Variants in STAU1 observed in about 807,000 individuals in gnomAD.
STAU1 encodes the protein staufen double-stranded RNA binding protein 1, also known as double-stranded RNA-binding protein Staufen homolog 1.
In STAU1, 13 loss-of-function variants were observed where a neutral mutation model predicts 62.9. The ratio of observed to expected loss-of-function variants is 0.21; its 90% confidence interval spans 0.13 to 0.33. The LOEUF (loss-of-function observed/expected upper bound fraction) is 0.33, where lower values mean the gene tolerates loss of function less well. STAU1 is among the 10% of genes least tolerant of loss of function. STAU1 has a pLI of 1.00. For missense variants in STAU1, 571 were observed against 712.1 expected (o/e 0.80, Z 2.25); for synonymous variants, 269 against 265.1 (o/e 1.01, Z -0.14).
At chr20:49,134,370 G>A in intron 6 of STAU1, 1 of 451,938 alleles carries the variant, frequency 2.2e-6, no homozygotes, top group South Asian at 2.2e-5. Flanking sequence ...GGTGGAGGTT[G>A]CAGTGAGCCG....
chr20:49,183,291 G>C (rs1043714674), intron 1 of STAU1, among the ~76,000 whole-genome samples: 1 of 152,206 alleles, frequency 6.6e-6, no homozygotes, highest in African/African-American at 2.4e-5. Context: ...TCTTATTTGA[G>C]AGGGGAGGAA....
chr20:49,187,778 C>A (rs1397722908), intron 1 of STAU1, among the ~76,000 whole-genome samples: 1 of 51,034 alleles, frequency 2.0e-5, no homozygotes, highest in Non-Finnish European at 5.3e-5. Flanking sequence ...CAGGGACCCC[C>A]CCCCCCCCCC....
intron 3 of STAU1, chr20:49,159,162 C>T (rs2093412630): frequency 2.5e-6 from 2 of 810,696 alleles, no homozygotes; most frequent in Non-Finnish European, 3.2e-6. Context: ...AAAAAAAAAA[C>T]ACACAAAGTT....
At chr20:49,148,983 G>C (rs1316938224) in intron 5 of STAU1, among the ~76,000 whole-genome samples, 3 of 152,120 alleles carry the variant, frequency 2.0e-5, no homozygotes, top group Non-Finnish European at 4.4e-5. Flanking sequence ...AGGTATGGTG[G>C]CTCATGCCCA....
chr20:49,121,101 T>C (rs2092455162), intron 8 of STAU1, among the ~76,000 whole-genome samples: 1 of 150,464 alleles, frequency 6.6e-6, no homozygotes, highest in African/African-American at 2.4e-5. Flanking sequence ...TCTTACCTAT[T>C]AACATAAATA....
In STAU1 at chr20:49,151,598, A is replaced by G. The variant is rs61748376; in HGVS notation, c.494T>C (p.Leu165Pro). The G allele has an allele frequency of 2.2e-3, 3,546 of 1,607,932 alleles. 72 individuals carry two copies. The African/African-American group carries it at 0.041, about 19-fold the overall frequency. The change falls in exon 5 of 14, where the codon CTG (leucine) becomes CCG (proline). Residue 165 changes from leucine to proline, a missense_variant. Around this residue, in one of 3 missense-constraint regions of STAU1, gnomAD observed 414 missense variants for 499.6 expected, o/e 0.83. Transcript: ENST00000371856. ...KALRILQNEP[L>P]PERLEVNGRE... The stretch of plus-strand genomic sequence containing the variant: ...ACTCCTCACCTCCAGCCTCTCTGGC[A>G]GGGGCTCATTCTGCAGGATCCTCAA...
At chr20:49,200,872 C>CA in the STAU1 span, among the ~76,000 whole-genome samples, 51 of 149,334 alleles carry the variant, frequency 3.4e-4, no homozygotes, top group Middle Eastern at 3.5e-3. Context: ...CCGTCTCTAC[C>CA]AAAAAAACCC....
chr20:49,133,076 A>G (rs1445682778), intron 6 of STAU1, among the ~76,000 whole-genome samples: 1 of 152,202 alleles, frequency 6.6e-6, no homozygotes, highest in Non-Finnish European at 1.5e-5. Flanking sequence ...GCTGTGATAA[A>G]TTACTTTAAA....
chr20:49,175,960 A>T (rs1412032755), intron 1 of STAU1, among the ~76,000 whole-genome samples: 1 of 151,302 alleles, frequency 6.6e-6, no homozygotes, highest in Admixed American at 6.6e-5. Context: ...TCGCCCGGCT[A>T]ATTTTTTGTA....
intron 3 of STAU1, among the ~76,000 whole-genome samples, chr20:49,164,174 G>C (rs556416548): frequency 6.6e-6 from 1 of 152,034 alleles, no homozygotes; most frequent in South Asian, 2.1e-4. Flanking sequence ...AGGTTGCAGT[G>C]AGCCAAGATC....
the STAU1 span, among the ~76,000 whole-genome samples, chr20:49,216,323 C>T: frequency 6.6e-6 from 1 of 151,980 alleles, no homozygotes; most frequent in African/African-American, 2.4e-5. Flanking sequence ...GTCAGGAGCT[C>T]GAGACCAACC....
At chr20:49,187,017 G>A (rs1465646836) in intron 1 of STAU1, among the ~76,000 whole-genome samples, 1 of 152,072 alleles carries the variant, frequency 6.6e-6, no homozygotes, top group Non-Finnish European at 1.5e-5. Flanking sequence ...AGGGAGGGGT[G>A]AATATAAGCA....
chr20:49,215,206 T>C, the STAU1 span, among the ~76,000 whole-genome samples: 13 of 152,164 alleles, frequency 8.5e-5, no homozygotes, highest in African/African-American at 3.1e-4. Flanking sequence ...TTCTTAGAAA[T>C]CTTCATCTGA....
intron 3 of STAU1, among the ~76,000 whole-genome samples, chr20:49,161,213 G>C (rs1600795317): frequency 6.6e-6 from 1 of 151,822 alleles, no homozygotes; most frequent in African/African-American, 2.4e-5. Flanking sequence ...TGAGGTCCCA[G>C]CTACTCAGGA....
At chr20:49,119,286 A>G (rs761343934) in intron 9 of STAU1, among the ~76,000 whole-genome samples, 2 of 152,134 alleles carry the variant, frequency 1.3e-5, no homozygotes, top group Non-Finnish European at 2.9e-5. Context: ...CCAAGGCTCA[A>G]TCCTCCCATC....
chr20:49,132,099 G>A (rs1366083155), intron 6 of STAU1, among the ~76,000 whole-genome samples: 1 of 151,908 alleles, frequency 6.6e-6, no homozygotes, highest in African/African-American at 2.4e-5. Flanking sequence ...ACAGTGGCCA[G>A]GAGCAGAGGT....
intron 2 of STAU1, among the ~76,000 whole-genome samples, chr20:49,166,565 G>A (rs1270396905): frequency 1.3e-5 from 2 of 152,130 alleles, no homozygotes; most frequent in African/African-American, 4.8e-5. Context: ...TTATTGGTGA[G>A]TATTAAGAAT....
Position 49,117,647 on chromosome 20 carries a change from G to A in STAU1, c.1509+130C>T. Reference sequence around the variant, plus strand: ...CTATACCTCCTACCCTTCCATCACTGCTCCCCAGCCCATCCCTGGACAGAA... The same window carrying A: ...CTATACCTCCTACCCTTCCATCACTACTCCCCAGCCCATCCCTGGACAGAA... On this transcript the variant is annotated intron_variant, in intron 11 of 13. Coordinates refer to ENST00000371856, the MANE Select transcript of STAU1 (RefSeq NM_017453.4). This position sits in a 1 kb window ranked among gnomAD's most constrained non-coding sequence, Gnocchi z 4.6. The A allele has an allele frequency of 1.1e-6, 1 of 910,598 alleles. No individual in the cohort carries two copies. Among genetic ancestry groups the A allele is most frequent in the Non-Finnish European group, 1.6e-6 (1 of 617,078 alleles). The allele number at this position is 910,598 out of a possible 1,614,324, so 56.4% of individuals were successfully genotyped here.
the STAU1 span, among the ~76,000 whole-genome samples, chr20:49,194,298 G>C: frequency 6.6e-6 from 1 of 151,684 alleles, no homozygotes; most frequent in Non-Finnish European, 1.5e-5. Flanking sequence ...GCATGGTGGC[G>C]CACGCCTGTA....
Sources: gnomAD v4.1 joint callset for allele counts (sites outside exome capture counted in the v4.1 genomes callset) on GRCh38, gnomAD v4.1.1 for gene constraint, gnomAD v4.1.1 regional missense constraint, Gnocchi (gnomAD v3.1) non-coding constraint, MANE v1.5 for transcripts, NCBI Gene and HGNC (gene_info 2026-07-23, HGNC 2026-07-21) for gene names.